Variants in DPYD observed in about 807,000 individuals in gnomAD.
The protein encoded by DPYD is dihydropyrimidine dehydrogenase [NADP(+)].
In DPYD, 109 loss-of-function variants were observed where a neutral mutation model predicts 116.2. That is an observed-to-expected ratio of 0.94 (90% CI 0.80 to 1.10). The LOEUF (loss-of-function observed/expected upper bound fraction) is 1.10. Among genes scored for constraint, DPYD ranks in the 50% least tolerant of loss-of-function variants. The probability of loss-of-function intolerance (pLI) is 0.00; values close to 1 mark genes in which losing one functional copy is unlikely to be tolerated. For synonymous variants in DPYD, 440 were observed against 432.0 expected, an observed-to-expected ratio of 1.02 and a Z score of -0.23; for missense variants, 1,302 against 1,254.5, an observed-to-expected ratio of 1.04 and a Z score of -0.57.
intron 12 of DPYD, among the ~76,000 whole-genome samples, chr1:97,541,856 C>T (rs930968730): frequency 4.6e-5 from 7 of 152,154 alleles, no homozygotes; most frequent in Admixed American, 2.6e-4. Flanking sequence ...AATTATCTTT[C>T]GTATTCAGTA....
At chr1:97,085,514 A>T (rs1291514937) in intron 21 of DPYD, among the ~76,000 whole-genome samples, 1 of 152,238 alleles carries the variant, frequency 6.6e-6, no homozygotes, top group Non-Finnish European at 1.5e-5. Flanking sequence ...TAAGAAAATT[A>T]TATTTTTTTC....
At chr1:97,529,688 CTT>C (rs1157826798) in intron 12 of DPYD, among the ~76,000 whole-genome samples, 2 of 149,762 alleles carry the variant, frequency 1.3e-5, no homozygotes, top group Non-Finnish European at 1.5e-5. Flanking sequence ...CTTTTCTTTT[CTT>C]TCTTTCCTTT....
At chr1:97,797,816 G>A (rs1667648660) in intron 3 of DPYD, 1 of 151,998 alleles carries the variant, frequency 6.6e-6, no homozygotes, top group Admixed American at 6.6e-5. Flanking sequence ...CTTTTTTAAA[G>A]TATATATTTG....
chr1:97,287,521 T>A (rs1299713325), intron 18 of DPYD, among the ~76,000 whole-genome samples: 2 of 152,178 alleles, frequency 1.3e-5, no homozygotes, highest in Non-Finnish European at 2.9e-5. Context: ...GTCTGTGCCC[T>A]GCCCCCAGAG....
intron 18 of DPYD, among the ~76,000 whole-genome samples, chr1:97,288,429 G>C (rs902677520): frequency 6.6e-6 from 1 of 151,736 alleles, no homozygotes; most frequent in African/African-American, 2.4e-5. Flanking sequence ...TGACCACATA[G>C]TTGGAAGTAA....
At chr1:97,756,149 G>T (rs892252779) in intron 3 of DPYD, among the ~76,000 whole-genome samples, 1 of 152,168 alleles carries the variant, frequency 6.6e-6, no homozygotes, top group Non-Finnish European at 1.5e-5. Context: ...AAGGGAAGTA[G>T]TATGTTGAAT....
At chr1:97,347,180 G>A (rs911658901) in intron 16 of DPYD, among the ~76,000 whole-genome samples, 15 of 151,674 alleles carry the variant, frequency 9.9e-5, no homozygotes, top group African/African-American at 3.4e-4. Flanking sequence ...CTAACAGCAG[G>A]CACCCTTGTT....
intron 11 of DPYD, among the ~76,000 whole-genome samples, chr1:97,572,953 T>C (rs1422183295): frequency 6.6e-6 from 1 of 151,994 alleles, no homozygotes; most frequent in Non-Finnish European, 1.5e-5. Flanking sequence ...TTTAGAGAGA[T>C]TTTTGGTATG....
intron 18 of DPYD, among the ~76,000 whole-genome samples, chr1:97,293,182 A>G (rs899697097): frequency 6.6e-6 from 1 of 152,236 alleles, no homozygotes; most frequent in Non-Finnish European, 1.5e-5. Flanking sequence ...TTTTTAAAAC[A>G]GTGATTAATC....
chr1:97,709,154 T>A (rs1034211261), intron 5 of DPYD, among the ~76,000 whole-genome samples: 1 of 151,866 alleles, frequency 6.6e-6, no homozygotes, highest in African/African-American at 2.4e-5. Flanking sequence ...TGTATTCTTT[T>A]TAAGGTGTTC....
At chr1:97,202,863 G>T (rs2101848401) in intron 19 of DPYD, among the ~76,000 whole-genome samples, 1 of 152,284 alleles carries the variant, frequency 6.6e-6, no homozygotes, top group East Asian at 1.9e-4. Flanking sequence ...TGTGACACTA[G>T]AGATAAAATG....
intron 20 of DPYD, among the ~76,000 whole-genome samples, chr1:97,116,146 T>C (rs1651945044): frequency 6.6e-6 from 1 of 152,188 alleles, no homozygotes; most frequent in Non-Finnish European, 1.5e-5. Context: ...AGAATATTTA[T>C]ATACAAAAAC....
At chr1:97,761,893 A>G (rs532622588) in intron 3 of DPYD, among the ~76,000 whole-genome samples, 2 of 152,240 alleles carry the variant, frequency 1.3e-5, no homozygotes, top group South Asian at 4.1e-4. Flanking sequence ...TCCTAGGCAA[A>G]CACACACAGG....
chr1:97,743,157 C>A (rs1477396801), intron 3 of DPYD, among the ~76,000 whole-genome samples: 2 of 152,052 alleles, frequency 1.3e-5, no homozygotes, highest in African/African-American at 4.8e-5. Flanking sequence ...CCAAATAATT[C>A]TCCTTTTATT....
intron 20 of DPYD, among the ~76,000 whole-genome samples, chr1:97,170,518 A>G (rs1013428208): frequency 6.6e-6 from 1 of 152,128 alleles, no homozygotes; most frequent in African/African-American, 2.4e-5. Flanking sequence ...CTACATAGGC[A>G]ATGCAGCTGA....
intron 18 of DPYD, among the ~76,000 whole-genome samples, chr1:97,275,259 T>C (rs896729804): frequency 6.6e-6 from 1 of 152,198 alleles, no homozygotes; most frequent in Admixed American, 6.5e-5. Flanking sequence ...CTTCAAGTTT[T>C]AGTTAAAATG....
At chr1:97,179,913 T>G (rs1271796303) in intron 20 of DPYD, among the ~76,000 whole-genome samples, 1 of 152,080 alleles carries the variant, frequency 6.6e-6, no homozygotes, top group Admixed American at 6.6e-5. Flanking sequence ...GTAACCAGGT[T>G]TCTAAGAAGA....
At chr1:97,225,522 C>T (rs1389500342) in intron 19 of DPYD, among the ~76,000 whole-genome samples, 12 of 145,350 alleles carry the variant, frequency 8.3e-5, no homozygotes, top group Admixed American at 6.8e-4. Context: ...CATTTTTTTT[C>T]TTCAAAGATC....
At chr1:97,896,329 T>A (rs1459926617) in intron 1 of DPYD, among the ~76,000 whole-genome samples, 2 of 151,746 alleles carry the variant, frequency 1.3e-5, no homozygotes, top group East Asian at 1.9e-4. Context: ...TGCATACATA[T>A]CTCCAATTTA....
Sources: allele counts gnomAD v4.1 joint callset (sites outside exome capture counted in the v4.1 genomes callset), GRCh38; gene constraint gnomAD v4.1.1; transcripts MANE v1.5; gene names NCBI Gene and HGNC (gene_info 2026-07-23, HGNC 2026-07-21).